CDC42SE2: variants seen among roughly 807,000 people sequenced by gnomAD.
CDC42SE2 encodes CDC42 small effector 2, also known as CDC42 small effector protein 2.
A neutral mutation model predicts 11.5 loss-of-function variants in CDC42SE2; 3 were observed. The observed-to-expected ratio is 0.26, with a 90% CI of 0.12 to 0.67. The LOEUF (loss-of-function observed/expected upper bound fraction) is 0.67. Ranked by LOEUF, CDC42SE2 falls within the 30% of genes least tolerant of loss-of-function variation. CDC42SE2 has a pLI of 0.80. For synonymous variants in CDC42SE2, 33 were observed against 34.8 expected (o/e 0.95, Z 0.18); for missense variants, 82 against 106.8 (o/e 0.77, Z 1.02).
chr5:131,373,014 T>C (rs1750053814), intron 3 of CDC42SE2, among the ~76,000 whole-genome samples: 1 of 152,372 alleles, frequency 6.6e-6, no homozygotes, highest in East Asian at 1.9e-4. Context: ...ATTGGTTATA[T>C]TCAAGTACAT....
At chr5:131,332,432 G>A (rs1758441019) in intron 2 of CDC42SE2, among the ~76,000 whole-genome samples, 1 of 152,166 alleles carries the variant, frequency 6.6e-6, no homozygotes, top group Non-Finnish European at 1.5e-5. Context: ...AAACATACAT[G>A]TGCATGTGCC....
At chr5:131,277,695 G>A (rs949241217) in intron 1 of CDC42SE2, among the ~76,000 whole-genome samples, 2 of 152,104 alleles carry the variant, frequency 1.3e-5, no homozygotes, top group Non-Finnish European at 2.9e-5. Context: ...TGTTTGAAAT[G>A]GTGTTTTCCC....
intron 1 of CDC42SE2, among the ~76,000 whole-genome samples, chr5:131,304,095 G>A (rs1180367822): frequency 6.6e-6 from 1 of 151,924 alleles, no homozygotes; most frequent in East Asian, 1.9e-4. Flanking sequence ...AAGTAGCTGG[G>A]ACCACAGGCA....
At chr5:131,355,892 G>T (rs537534850) in intron 2 of CDC42SE2, among the ~76,000 whole-genome samples, 1 of 152,248 alleles carries the variant, frequency 6.6e-6, no homozygotes, top group East Asian at 1.9e-4. Flanking sequence ...TGTAGCATTT[G>T]ATTTAGGTGG....
the CDC42SE2 span, among the ~76,000 whole-genome samples, chr5:131,228,553 C>T: frequency 6.6e-6 from 1 of 152,200 alleles, no homozygotes; most frequent in South Asian, 2.1e-4. Flanking sequence ...AGACACATGA[C>T]TCTAAAAGTA....
chr5:131,382,740 G>T (rs1033513657), intron 3 of CDC42SE2, among the ~76,000 whole-genome samples: 6 of 152,166 alleles, frequency 3.9e-5, no homozygotes, highest in Admixed American at 6.5e-5. Flanking sequence ...ACTGTGACAA[G>T]AACCTAGAAG....
intron 1 of CDC42SE2, among the ~76,000 whole-genome samples, chr5:131,289,737 C>T (rs1007877882): frequency 6.6e-6 from 1 of 151,986 alleles, no homozygotes; most frequent in Non-Finnish European, 1.5e-5. Context: ...GTTTTGCTCA[C>T]ATGAGACTTT....
intron 1 of CDC42SE2, chr5:131,254,985 G>GT (rs1329528811): frequency 2.0e-5 from 3 of 151,870 alleles, no homozygotes; most frequent in African/African-American, 4.8e-5. Flanking sequence ...GAACTGATGG[G>GT]TAAAAAAAAA....
rs1750667117 is a variant in CDC42SE2 at position 131,391,909 on chromosome 5, A to C, written c.*818A>C. 6.6e-6 allele frequency: 1 copy of C among 152,140 alleles called. No individual in the cohort carries two copies. Among genetic ancestry groups the C allele is most frequent in the South Asian group, 2.1e-4 (1 of 4,816 alleles). 9.4% of individuals were successfully genotyped at this position (152,140 alleles called of 1,614,324 possible). The stretch of plus-strand genomic sequence containing the variant: ...CCTGTGATTGCTTTTATTTTGAATT[A>C]CAAAAAAGAAGTGTGATGGCACCTT... On this transcript the variant is annotated 3_prime_UTR_variant, in exon 5 of 5. Transcript: ENST00000505065.
intron 3 of CDC42SE2, among the ~76,000 whole-genome samples, chr5:131,371,037 AT>A (rs1750001086): frequency 2.0e-5 from 3 of 152,320 alleles, no homozygotes; most frequent in African/African-American, 4.8e-5. Context: ...GAAAAATAAA[AT>A]GTTTTTGCTG....
At chr5:131,234,195 C>A in the CDC42SE2 span, among the ~76,000 whole-genome samples, 43 of 152,264 alleles carry the variant, frequency 2.8e-4, no homozygotes, top group Non-Finnish European at 1.5e-4. Flanking sequence ...TCTCTATATC[C>A]TTGCCAATGA....
intron 4 of CDC42SE2, among the ~76,000 whole-genome samples, chr5:131,388,402 A>C (rs889934758): frequency 6.6e-6 from 1 of 152,264 alleles, no homozygotes; most frequent in Non-Finnish European, 1.5e-5. Context: ...AGAAGAAACC[A>C]TAAATAGACA....
chr5:131,378,331 T>C (rs1183984517), intron 3 of CDC42SE2, among the ~76,000 whole-genome samples: 3 of 152,234 alleles, frequency 2.0e-5, no homozygotes, highest in African/African-American at 7.2e-5. Flanking sequence ...ATTACAACTT[T>C]TGTTAGCCTT....
chr5:131,339,018 C>T (rs372290398), intron 2 of CDC42SE2, among the ~76,000 whole-genome samples: 27 of 151,772 alleles, frequency 1.8e-4, no homozygotes, highest in East Asian at 3.9e-4. Flanking sequence ...GAGACCGAGG[C>T]GGGTGGATCA....
At chr5:131,279,572 T>G (rs1437551790) in intron 1 of CDC42SE2, among the ~76,000 whole-genome samples, 1 of 151,908 alleles carries the variant, frequency 6.6e-6, no homozygotes, top group African/African-American at 2.4e-5. Context: ...ATAATTTACT[T>G]TCTTCTACTC....
At chr5:131,364,198 A>G (rs1352273112) in intron 3 of CDC42SE2, among the ~76,000 whole-genome samples, 1 of 152,212 alleles carries the variant, frequency 6.6e-6, no homozygotes, top group Non-Finnish European at 1.5e-5. Flanking sequence ...TGATAAGTGC[A>G]CCGTGGAAAA....
At chr5:131,301,446 A>C (rs1188497905) in intron 1 of CDC42SE2, among the ~76,000 whole-genome samples, 1 of 152,208 alleles carries the variant, frequency 6.6e-6, no homozygotes, top group Non-Finnish European at 1.5e-5. Context: ...ATAAATATGT[A>C]GAATTATATT....
chr5:131,286,168 G>T (rs1487039274), intron 1 of CDC42SE2, among the ~76,000 whole-genome samples: 2 of 150,842 alleles, frequency 1.3e-5, no homozygotes, highest in Non-Finnish European at 3.0e-5. Context: ...AATCCTCCTG[G>T]GCCCAAGCAG....
At chr5:131,226,136 A>G in the CDC42SE2 span, among the ~76,000 whole-genome samples, 1 of 152,244 alleles carries the variant, frequency 6.6e-6, no homozygotes, top group South Asian at 2.1e-4. Context: ...TATGGTTGAC[A>G]CAATTGGTGG....
Sources: gnomAD v4.1 joint callset for allele counts (sites outside exome capture counted in the v4.1 genomes callset) on GRCh38, gnomAD v4.1.1 for gene constraint, MANE v1.5 for transcripts, NCBI Gene and HGNC (gene_info 2026-07-23, HGNC 2026-07-21) for gene names.